Variants in ANAPC4 observed in about 807,000 individuals in gnomAD.
ANAPC4 encodes the protein anaphase promoting complex subunit 4.
A neutral mutation model predicts 119.8 loss-of-function variants in ANAPC4; 63 were observed. The observed-to-expected ratio is 0.53, with a 90% CI of 0.43 to 0.65. The LOEUF (loss-of-function observed/expected upper bound fraction) is 0.65, where lower values mean the gene tolerates loss of function less well. Among genes scored for constraint, ANAPC4 ranks in the 30% least tolerant of loss-of-function variants. The probability of loss-of-function intolerance (pLI) is 0.00; values close to 1 mark genes in which losing one functional copy is unlikely to be tolerated. For missense variants in ANAPC4, 716 were observed against 945.1 expected (o/e 0.76, Z 3.18); for synonymous variants, 283 against 318.6 (o/e 0.89, Z 1.19).
At chr4:25,409,519 G>C (rs997479052) in intron 20 of ANAPC4, among the ~76,000 whole-genome samples, 179 bp from the exon 21 acceptor site, 5 of 152,100 alleles carry the variant, frequency 3.3e-5, no homozygotes, top group African/African-American at 1.2e-4. Flanking sequence ...CACTTTCAGA[G>C]GACTTGGCAA....
chr4:25,402,787 T>C (rs140700252), intron 16 of ANAPC4, among the ~76,000 whole-genome samples, 184 bp from the exon 17 acceptor site: 10 of 152,310 alleles, frequency 6.6e-5, no homozygotes, highest in Admixed American at 1.3e-4. Flanking sequence ...GTATTTTCTT[T>C]TTTGAAATTT....
chr4:25,401,874 C>T (rs1422775904), intron 16 of ANAPC4, among the ~76,000 whole-genome samples: 4 of 152,154 alleles, frequency 2.6e-5, no homozygotes, highest in African/African-American at 4.8e-5. Context: ...ATTGCTTTTC[C>T]TGTATTTCGA....
chr4:25,410,703 G>A (rs539216249), intron 21 of ANAPC4, among the ~76,000 whole-genome samples: 5 of 152,236 alleles, frequency 3.3e-5, no homozygotes, highest in Admixed American at 2.0e-4. Flanking sequence ...TTTGAGCACC[G>A]ACATGACACC....
At chr4:25,388,812 T>C (rs1560432466) in intron 6 of ANAPC4, 26 bp from the exon 7 acceptor site, 2 of 1,603,006 alleles carry the variant, frequency 1.2e-6, no homozygotes, top group Non-Finnish European at 1.7e-6. Context: ...AATTGAAAGA[T>C]GACCCAATTT....
At chr4:25,402,673 G>A (rs1723040152) in intron 16 of ANAPC4, among the ~76,000 whole-genome samples, 1 of 152,164 alleles carries the variant, frequency 6.6e-6, no homozygotes, top group Non-Finnish European at 1.5e-5. Context: ...AGTTAGAAAA[G>A]GAGTTCATGC....
At chr4:25,392,120 A>G (rs1473253839) in intron 9 of ANAPC4, among the ~76,000 whole-genome samples, 1 of 152,174 alleles carries the variant, frequency 6.6e-6, no homozygotes, top group Non-Finnish European at 1.5e-5. Flanking sequence ...TATTCTATCT[A>G]CACAGGAGGG....
In ANAPC4 at chr4:25,405,961, C is replaced by G. The variant is rs981995317; in HGVS notation, c.1317+342C>G. 5.3e-5 allele frequency among the ~76,000 whole-genome samples: 8 copies of G among 151,992 alleles called. No individual in the cohort carries two copies. The highest frequency in any genetic ancestry group is 1.9e-4 in the African/African-American group (8 of 41,352). ...GGAAATCAGGTGCTTAGATATTAGT[C>G]CCTGTGTTGATGTCTGGTAAGCAAC... On this transcript the variant is annotated intron_variant, in intron 18 of 28. Coordinates refer to ENST00000315368, the MANE Select transcript of ANAPC4 (RefSeq NM_013367.3). This position sits in a 1 kb window ranked among gnomAD's most constrained non-coding sequence, Gnocchi z 4.6.
Position 25,415,509 on chromosome 4 carries a change from A to G in ANAPC4, c.1870A>G (p.Thr624Ala), listed in dbSNP as rs753556884. ...AATTGCTATTAAATTTGGGAGCTTT[A>G]CATATGCCACAACAGAAAAAGTCAG... Reference protein sequence around the residue: ...GLIAIKFGSFTYATTEKVRRS... With the variant: ...GLIAIKFGSFAYATTEKVRRS... The change falls in exon 26 of 29, where the codon ACA becomes GCA. Residue 624 changes from threonine to alanine, a missense_variant. This residue lies in a region of ANAPC4 where 504 missense variants were observed against 615.8 expected (regional missense o/e 0.82). Transcript: ENST00000315368. The G allele has an allele frequency of 6.2e-6, 10 of 1,613,044 alleles. No homozygotes were observed. In the Admixed American group the frequency reaches 8.3e-5, roughly 13 times the overall value.
At chr4:25,384,261 T>TTC (rs1721902800) in intron 4 of ANAPC4, among the ~76,000 whole-genome samples, 2 of 152,186 alleles carry the variant, frequency 1.3e-5, no homozygotes, top group Admixed American at 1.3e-4. Context: ...CTACTTCTAA[T>TTC]TCTAGTTCTC....
chr4:25,415,283 G>A (rs1723797470), intron 25 of ANAPC4, 183 bp from the exon 26 acceptor site: 1 of 463,278 alleles, frequency 2.2e-6, no homozygotes, highest in South Asian at 5.5e-5. Context: ...TATTCCAAAT[G>A]TCTTTGGTGA....
At chr4:25,411,302 C>T (rs1723550058) in intron 21 of ANAPC4, among the ~76,000 whole-genome samples, 1 of 152,150 alleles carries the variant, frequency 6.6e-6, no homozygotes, top group South Asian at 2.1e-4. Flanking sequence ...GCTATTTTGG[C>T]TATTATTGAT....
Position 25,407,159 on chromosome 4 carries a change from G to A in ANAPC4, c.1375-38G>A, listed in dbSNP as rs760310263. Reference sequence around the variant, plus strand: ...AAATTTAAGATATTTTTCTTCGTGAGTTGACTTAAGAATTAAACTATGTTT... The same window carrying A: ...AAATTTAAGATATTTTTCTTCGTGAATTGACTTAAGAATTAAACTATGTTT... On this transcript the variant is annotated intron_variant, in intron 19 of 28. Coordinates refer to ENST00000315368, the MANE Select transcript of ANAPC4 (RefSeq NM_013367.3). 4 of 1,538,114 alleles carry A rather than the reference G, an allele frequency of 2.6e-6. No homozygotes were observed. The South Asian group carries it at 3.5e-5, about 14-fold the overall frequency.
At position 25,394,305 on chromosome 4, in the gene ANAPC4, TC is replaced by T; in HGVS notation, c.877-3del. ...TATCACAATTTTTTTTTCACTTTTT[TC>T]CAGGAAAAGAACACAACCACATCAG... On this transcript the variant is annotated splice_region_variant and splice_polypyrimidine_tract_variant and intron_variant, in intron 11 of 28. Coordinates refer to ENST00000315368, the MANE Select transcript of ANAPC4 (RefSeq NM_013367.3). 1.3e-6 allele frequency: 2 copies of T among 1,577,348 alleles called. No individual in the cohort carries two copies. Among genetic ancestry groups the T allele is most frequent in the Non-Finnish European group, 1.7e-6 (2 of 1,170,776 alleles).
chr4:25,395,943 A>G (rs1722624979), intron 14 of ANAPC4, among the ~76,000 whole-genome samples: 1 of 152,210 alleles, frequency 6.6e-6, no homozygotes, highest in African/African-American at 2.4e-5. Context: ...TTCCGTTAGA[A>G]TGGAGACCTT....
intron 27 of ANAPC4, 142 bp downstream of exon 27, chr4:25,416,740 C>A (rs913677863): frequency 1.7e-6 from 1 of 571,926 alleles, no homozygotes. Flanking sequence ...AGAAATGCTC[C>A]AATTTTTCAT....
chr4:25,383,055 G>A (rs1192413719), intron 3 of ANAPC4, among the ~76,000 whole-genome samples: 3 of 152,020 alleles, frequency 2.0e-5, no homozygotes, highest in African/African-American at 7.3e-5. Flanking sequence ...TAAAGTTTGA[G>A]CACTTGAAAA....
At chr4:25,418,094 A>G in intron 28 of ANAPC4, 61 bp from the exon 29 acceptor site, 1 of 1,417,072 alleles carries the variant, frequency 7.1e-7, no homozygotes, top group Non-Finnish European at 9.7e-7. Flanking sequence ...TCTGATTTCT[A>G]ATTCTTTATA....
Position 25,415,483 on chromosome 4 carries a change from T to G in ANAPC4, c.1844T>G (p.Leu615Arg). The change falls in exon 26 of 29, where the codon CTA becomes CGA. Residue 615 changes from leucine to arginine, a missense_variant. Coordinates refer to ENST00000315368, the MANE Select transcript of ANAPC4 (RefSeq NM_013367.3). The part of the protein sequence containing the change: ...TDISQSVSNG[L>R]IAIKFGSFTY... ...TCTTGAAGATCTGTGAGTAATGGAC[T>G]AATTGCTATTAAATTTGGGAGCTTT... The G allele has an allele frequency of 6.2e-7, 1 of 1,613,218 alleles. No individual in the cohort carries two copies. The highest frequency in any genetic ancestry group is 8.5e-7 in the Non-Finnish European group (1 of 1,179,486).
At chr4:25,385,921 A>G (rs1045886552) in intron 4 of ANAPC4, among the ~76,000 whole-genome samples, 1 of 152,038 alleles carries the variant, frequency 6.6e-6, no homozygotes, top group Non-Finnish European at 1.5e-5. Context: ...TTTAAAATTT[A>G]TTTTTATTTA....
Sources: allele counts gnomAD v4.1 joint callset (sites outside exome capture counted in the v4.1 genomes callset), GRCh38; gene constraint gnomAD v4.1.1; regional missense constraint gnomAD v4.1.1; non-coding constraint Gnocchi (gnomAD v3.1); transcripts MANE v1.5; gene names NCBI Gene and HGNC (gene_info 2026-07-23, HGNC 2026-07-21).